ATP10B: variants seen among roughly 807,000 people sequenced by gnomAD.
ATP10B encodes the protein phospholipid-transporting ATPase VB.
A neutral mutation model predicts 141.2 loss-of-function variants in ATP10B; 122 were observed. That is an observed-to-expected ratio of 0.86 (90% confidence interval 0.75 to 1.00). The LOEUF (loss-of-function observed/expected upper bound fraction) is 1.00. ATP10B is among the 50% of genes least tolerant of loss of function. ATP10B has a pLI of 0.00. For missense variants in ATP10B, 1,876 were observed against 1,825.3 expected (o/e 1.03, Z -0.51); for synonymous variants, 685 against 692.0 (o/e 0.99, Z 0.16).
At chr5:160,782,103 A>C (rs1770757366) in intron 2 of ATP10B, among the ~76,000 whole-genome samples, 1 of 152,206 alleles carries the variant, frequency 6.6e-6, no homozygotes, top group Non-Finnish European at 1.5e-5. Flanking sequence ...CTCTTTAGGA[A>C]GTTTCTTGCA....
intron 2 of ATP10B, among the ~76,000 whole-genome samples, chr5:160,748,866 A>C (rs957605085): frequency 2.0e-5 from 3 of 152,232 alleles, no homozygotes; most frequent in African/African-American, 7.2e-5. Context: ...ATAAATTATT[A>C]GGAATAAAAT....
chr5:160,894,391 G>A, the ATP10B span, among the ~76,000 whole-genome samples: 1 of 151,840 alleles, frequency 6.6e-6, no homozygotes, highest in Non-Finnish European at 1.5e-5. Context: ...CACAGCACGA[G>A]AACTTTGTGA....
At chr5:160,735,141 G>T (rs1338146193) in intron 2 of ATP10B, among the ~76,000 whole-genome samples, 1 of 150,524 alleles carries the variant, frequency 6.6e-6, no homozygotes, top group African/African-American at 2.4e-5. Flanking sequence ...AATGGTAGGG[G>T]TAAGTCCTTA....
At chr5:160,810,633 T>C (rs1484107813) in intron 1 of ATP10B, among the ~76,000 whole-genome samples, 1 of 152,218 alleles carries the variant, frequency 6.6e-6, no homozygotes, top group Non-Finnish European at 1.5e-5. Flanking sequence ...TTCATATGCT[T>C]GACCTTGTAA....
At chr5:160,874,540 C>T in the ATP10B span, among the ~76,000 whole-genome samples, 2 of 152,238 alleles carry the variant, frequency 1.3e-5, no homozygotes, top group African/African-American at 2.4e-5. Flanking sequence ...TGGAGAATGA[C>T]TTTGACGAGC....
At chr5:160,775,150 A>C (rs1259498182) in intron 2 of ATP10B, among the ~76,000 whole-genome samples, 1 of 151,906 alleles carries the variant, frequency 6.6e-6, no homozygotes, top group Non-Finnish European at 1.5e-5. Context: ...TATCAGTCAG[A>C]CCCCTGGGCT....
intron 1 of ATP10B, among the ~76,000 whole-genome samples, chr5:160,845,691 C>T (rs2127989974): frequency 6.6e-6 from 1 of 152,288 alleles, no homozygotes; most frequent in East Asian, 1.9e-4. Context: ...TTAAATACAT[C>T]TTCCTTCAGA....
chr5:160,789,523 C>T (rs950751876), intron 1 of ATP10B, among the ~76,000 whole-genome samples: 1 of 152,034 alleles, frequency 6.6e-6, no homozygotes, highest in Non-Finnish European at 1.5e-5. Context: ...AGATAAGGTA[C>T]AATAAAAATA....
chr5:160,778,998 T>C (rs1409571130), intron 2 of ATP10B, among the ~76,000 whole-genome samples: 2 of 152,286 alleles, frequency 1.3e-5, no homozygotes, highest in Middle Eastern at 3.4e-3. Flanking sequence ...GGGAATGGAA[T>C]GAAGTCTGTG....
chr5:160,811,332 T>C (rs1773138399), intron 1 of ATP10B, among the ~76,000 whole-genome samples: 1 of 152,190 alleles, frequency 6.6e-6, no homozygotes, highest in Admixed American at 6.5e-5. Flanking sequence ...TTGCACCTTA[T>C]GTACCAGCTC....
chr5:160,780,608 G>T (rs572292708), intron 2 of ATP10B, among the ~76,000 whole-genome samples: 20 of 152,220 alleles, frequency 1.3e-4, no homozygotes, highest in Middle Eastern at 6.8e-3. Context: ...CTTTACCCCA[G>T]TGTACTGTGT....
chr5:160,899,722 C>T, the ATP10B span, among the ~76,000 whole-genome samples: 7 of 152,164 alleles, frequency 4.6e-5, no homozygotes, highest in Admixed American at 3.3e-4. Context: ...CTTGAGTAAG[C>T]TGTTAAAAAC....
chr5:160,751,115 C>A (rs929384910), intron 2 of ATP10B, among the ~76,000 whole-genome samples: 1 of 152,216 alleles, frequency 6.6e-6, no homozygotes, highest in Non-Finnish European at 1.5e-5. Context: ...ACGGAGGGCT[C>A]TGAGAGGCCA....
chr5:160,727,021 G>A (rs948474908), intron 2 of ATP10B, among the ~76,000 whole-genome samples: 1 of 152,100 alleles, frequency 6.6e-6, no homozygotes, highest in African/African-American at 2.4e-5. Context: ...ATTGATTGAT[G>A]TCTCAGCTCT....
At chr5:160,927,790 T>C in the ATP10B span, among the ~76,000 whole-genome samples, 50 of 152,216 alleles carry the variant, frequency 3.3e-4, no homozygotes, top group Admixed American at 9.8e-4. Context: ...AAAAAATAAA[T>C]GGGAAGACAA....
chr5:160,702,901 G>T (rs984033224), intron 3 of ATP10B, among the ~76,000 whole-genome samples: 2 of 152,244 alleles, frequency 1.3e-5, no homozygotes, highest in Admixed American at 1.3e-4. Flanking sequence ...AGTAGTTTAT[G>T]CCACCTCTAT....
intron 3 of ATP10B, among the ~76,000 whole-genome samples, chr5:160,715,671 G>A (rs1209365135): frequency 2.0e-5 from 3 of 150,590 alleles, no homozygotes; most frequent in Non-Finnish European, 4.4e-5. Context: ...TGACCATTTT[G>A]AGAAGAATTT....
Position 160,617,919 on chromosome 5 carries a change from T to C in ATP10B, c.2471A>G (p.Lys824Arg). The C allele has an allele frequency of 1.2e-6, 2 of 1,614,214 alleles. No homozygotes were observed. Among genetic ancestry groups the C allele is most frequent in the Non-Finnish European group, 1.7e-6 (2 of 1,180,008 alleles). The change falls in exon 16 of 26, where the codon AAG (lysine) becomes AGG (arginine). Residue 824 changes from lysine (K) to arginine (R), a missense_variant. Lys to Arg is a conservative substitution (Grantham distance 26). Coordinates refer to ENST00000327245, the MANE Select transcript of ATP10B (RefSeq NM_025153.3). ...KLRKIRARTQ[K>R]HLDLYARDGL... Reference sequence around the variant, plus strand: ...ATCTCTTGCATACAAGTCTAGATGCTTTTGGGTCCGGGCTCGGATTTTTCT... The same window carrying C: ...ATCTCTTGCATACAAGTCTAGATGCCTTTGGGTCCGGGCTCGGATTTTTCT...
the ATP10B span, among the ~76,000 whole-genome samples, chr5:160,918,982 T>G: frequency 6.6e-6 from 1 of 150,514 alleles, no homozygotes; most frequent in African/African-American, 2.5e-5. Context: ...TCCCAGCACT[T>G]TGGGAGGCCG....
Sources: allele counts gnomAD v4.1 joint callset (sites outside exome capture counted in the v4.1 genomes callset), GRCh38; gene constraint gnomAD v4.1.1; transcripts MANE v1.5; gene names NCBI Gene and HGNC (gene_info 2026-07-23, HGNC 2026-07-21).